Variants in PRKCE observed in about 807,000 individuals in gnomAD.
PRKCE encodes protein kinase C epsilon, also known as protein kinase C epsilon type.
Under a neutral mutation model 85.4 loss-of-function variants are expected in PRKCE, and 16 were observed. That is an observed-to-expected ratio of 0.19 (90% CI 0.13 to 0.28). The LOEUF (loss-of-function observed/expected upper bound fraction) is 0.28, where lower values mean the gene tolerates loss of function less well. Among genes scored for constraint, PRKCE ranks in the 10% least tolerant of loss-of-function variants. The pLI, the probability that PRKCE is intolerant of heterozygous loss-of-function variation, is 1.00. For missense variants in PRKCE, 573 were observed against 975.2 expected (o/e 0.59, Z 5.49); for synonymous variants, 388 against 371.5 (o/e 1.04, Z -0.51).
At chr2:45,664,360 T>C (rs1350482492) in intron 1 of PRKCE, among the ~76,000 whole-genome samples, 2 of 152,238 alleles carry the variant, frequency 1.3e-5, no homozygotes, top group African/African-American at 2.4e-5. Flanking sequence ...ATCCATAAAA[T>C]GGGAATAATA....
chr2:45,836,305 C>T (rs1287418431), intron 1 of PRKCE, among the ~76,000 whole-genome samples: 1 of 152,138 alleles, frequency 6.6e-6, no homozygotes, highest in Non-Finnish European at 1.5e-5. Flanking sequence ...TATTATAAGC[C>T]CATTAACAGA....
At chr2:46,172,743 T>C (rs1448126217) in intron 14 of PRKCE, among the ~76,000 whole-genome samples, 2 of 152,208 alleles carry the variant, frequency 1.3e-5, no homozygotes, top group African/African-American at 4.8e-5. Context: ...GAGCACTGTA[T>C]AGTCACTAAG....
chr2:45,989,539 A>G (rs1047621821), intron 6 of PRKCE, among the ~76,000 whole-genome samples: 2 of 152,158 alleles, frequency 1.3e-5, no homozygotes, highest in African/African-American at 4.8e-5. Context: ...GGACAGTAAT[A>G]AAAAATAAAA....
chr2:46,010,548 T>C (rs759335503), intron 10 of PRKCE, 31 bp downstream of exon 10: 18 of 1,598,178 alleles, frequency 1.1e-5, no homozygotes, highest in Non-Finnish European at 1.2e-5. Flanking sequence ...CTGGCTGCCA[T>C]GTTGGGGCAT....
rs368349996 is a variant in PRKCE at position 45,913,460 on chromosome 2, C to G, written c.413-62969C>G. 1.2e-4 allele frequency among the ~76,000 whole-genome samples: 18 copies of G among 152,348 alleles called. 1 individual carries two copies. The highest frequency in any genetic ancestry group is 4.3e-4 in the African/African-American group (18 of 41,586). Reference sequence around the variant, plus strand: ...CCACCATGCCCAGCCAGCAAGAGCGCTTGGCTCCTGGTACAGACTCCCTGC... The same window carrying G: ...CCACCATGCCCAGCCAGCAAGAGCGGTTGGCTCCTGGTACAGACTCCCTGC... On this transcript the variant is annotated intron_variant, in intron 2 of 14. Transcript: ENST00000306156.
intron 1 of PRKCE, among the ~76,000 whole-genome samples, chr2:45,663,848 G>A (rs1380418871): frequency 6.6e-6 from 1 of 151,518 alleles, no homozygotes; most frequent in African/African-American, 2.4e-5. Context: ...GCAGTCAGGA[G>A]ACCAGTTAAG....
intron 1 of PRKCE, among the ~76,000 whole-genome samples, chr2:45,719,886 C>G (rs1455196301): frequency 2.6e-5 from 4 of 152,200 alleles, no homozygotes; most frequent in Admixed American, 2.6e-4. Context: ...GATCTAGCCA[C>G]TGCACCTAGT....
chr2:45,822,899 A>G (rs759624249), intron 1 of PRKCE, among the ~76,000 whole-genome samples: 5 of 152,204 alleles, frequency 3.3e-5, no homozygotes, highest in Non-Finnish European at 7.3e-5. Context: ...CTCCCACTGT[A>G]GGGTATACGA....
intron 10 of PRKCE, among the ~76,000 whole-genome samples, chr2:46,048,775 A>T (rs1013656555): frequency 4.6e-5 from 7 of 152,202 alleles, no homozygotes; most frequent in African/African-American, 1.7e-4. Flanking sequence ...AAAGGACACC[A>T]GGTCATTGAG....
At chr2:45,681,722 G>C (rs974151443) in intron 1 of PRKCE, among the ~76,000 whole-genome samples, 10 of 152,176 alleles carry the variant, frequency 6.6e-5, no homozygotes, top group African/African-American at 2.2e-4. Flanking sequence ...TTCCCCATGC[G>C]TGGACACAAA....
chr2:46,112,582 A>G (rs563192653), intron 11 of PRKCE, among the ~76,000 whole-genome samples: 3 of 151,880 alleles, frequency 2.0e-5, no homozygotes, highest in African/African-American at 7.2e-5. Flanking sequence ...ACAGTGGCAC[A>G]ATCTTGGCTC....
At chr2:45,799,160 C>T (rs1293541916) in intron 1 of PRKCE, among the ~76,000 whole-genome samples, 3 of 145,282 alleles carry the variant, frequency 2.1e-5, no homozygotes, top group East Asian at 2.0e-4. Context: ...AGTGGGACTC[C>T]GTTTCAAAAA....
At chr2:45,754,941 G>T (rs529304798) in intron 1 of PRKCE, among the ~76,000 whole-genome samples, 1 of 152,190 alleles carries the variant, frequency 6.6e-6, no homozygotes, top group Non-Finnish European at 1.5e-5. Context: ...GATTGTCAGG[G>T]GCTTCAGGGT....
chr2:45,777,425 C>G (rs1414238134), intron 1 of PRKCE, among the ~76,000 whole-genome samples: 1 of 151,956 alleles, frequency 6.6e-6, no homozygotes, highest in Non-Finnish European at 1.5e-5. Flanking sequence ...TGTAGCCCAC[C>G]CTGTCTGCCC....
intron 10 of PRKCE, among the ~76,000 whole-genome samples, chr2:46,032,183 T>C (rs1471493798): frequency 6.6e-6 from 1 of 152,056 alleles, no homozygotes; most frequent in Non-Finnish European, 1.5e-5. Flanking sequence ...CCTTTGTCCA[T>C]GATCTTACTT....
At chr2:45,884,828 A>G (rs1010138405) in intron 2 of PRKCE, among the ~76,000 whole-genome samples, 1 of 151,640 alleles carries the variant, frequency 6.6e-6, no homozygotes, top group Non-Finnish European at 1.5e-5. Flanking sequence ...AACCAGTTCT[A>G]TTCCCCAGAG....
At chr2:45,865,514 TC>T (rs1338961795) in intron 2 of PRKCE, among the ~76,000 whole-genome samples, 1 of 152,160 alleles carries the variant, frequency 6.6e-6, no homozygotes, top group African/African-American at 2.4e-5. Context: ...GTTGAATATG[TC>T]CCCTCCAAAA....
At chr2:45,762,053 G>A (rs565588139) in intron 1 of PRKCE, among the ~76,000 whole-genome samples, 5 of 152,234 alleles carry the variant, frequency 3.3e-5, no homozygotes, top group South Asian at 4.1e-4. Flanking sequence ...CTTGGTTGGC[G>A]TGCACCATTC....
At chr2:46,074,998 T>C (rs1041291370) in intron 10 of PRKCE, among the ~76,000 whole-genome samples, 1 of 152,196 alleles carries the variant, frequency 6.6e-6, no homozygotes, top group East Asian at 1.9e-4. Context: ...TTGGGGAAAT[T>C]GGATTAGAAC....
Sources: allele counts gnomAD v4.1 joint callset (sites outside exome capture counted in the v4.1 genomes callset), GRCh38; gene constraint gnomAD v4.1.1; transcripts MANE v1.5; gene names NCBI Gene and HGNC (gene_info 2026-07-23, HGNC 2026-07-21).